Variants in ZNF91 observed in about 807,000 individuals in gnomAD.
ZNF91 encodes zinc finger protein 91 (HPF7, HTF10).
Under a neutral mutation model 12.6 loss-of-function variants are expected in ZNF91, and 7 were observed. The ratio of observed to expected loss-of-function variants is 0.55; its 90% CI spans 0.31 to 1.04. The LOEUF is 1.04. ZNF91 is among the 50% of genes least tolerant of loss of function. ZNF91 has a pLI of 0.05. For missense variants in ZNF91, 1,217 were observed against 1,385.4 expected, an observed-to-expected ratio of 0.88 and a Z score of 1.93; for synonymous variants, 453 against 462.6, an observed-to-expected ratio of 0.98 and a Z score of 0.27.
chr19:23,370,534 A>C (rs1483768014), intron 3 of ZNF91, among the ~76,000 whole-genome samples: 1 of 152,190 alleles, frequency 6.6e-6, no homozygotes. Context: ...ACAGGGTCTC[A>C]ATCTGTCACA....
At chr19:23,352,273 C>T (rs1024628315) in intron 3 of ZNF91, among the ~76,000 whole-genome samples, 25 of 152,190 alleles carry the variant, frequency 1.6e-4, no homozygotes, top group African/African-American at 6.0e-4. Context: ...CGGCTTTCCC[C>T]CACTTCCCTG....
downstream of ZNF91, among the ~76,000 whole-genome samples, chr19:23,352,703 C>T (rs1217215248): frequency 1.3e-5 from 2 of 152,204 alleles, no homozygotes; most frequent in Non-Finnish European, 2.9e-5. Flanking sequence ...CAACTATCTG[C>T]TGTCTTCAGG....
chr19:23,377,509 G>C (rs776803690), intron 1 of ZNF91, among the ~76,000 whole-genome samples: 5 of 152,056 alleles, frequency 3.3e-5, no homozygotes, highest in African/African-American at 9.7e-5. Context: ...TTTGGAAATG[G>C]TCCATAAATG....
downstream of ZNF91, among the ~76,000 whole-genome samples, chr19:23,353,529 G>C (rs1968416827): frequency 6.6e-6 from 1 of 151,772 alleles, no homozygotes; most frequent in Non-Finnish European, 1.5e-5. Context: ...GAAAATCTAA[G>C]GTCACAACTC....
intron 1 of ZNF91, among the ~76,000 whole-genome samples, chr19:23,318,871 C>G (rs373071351): frequency 1.3e-5 from 2 of 152,150 alleles, no homozygotes; most frequent in East Asian, 1.9e-4. Context: ...CTGCTTCTGT[C>G]CCCAGTAGGG....
chr19:23,316,173 T>TTC (rs1450034388), intron 1 of ZNF91, among the ~76,000 whole-genome samples: 3 of 151,810 alleles, frequency 2.0e-5, no homozygotes, highest in Non-Finnish European at 4.4e-5. Context: ...GTGATTTTTT[T>TTC]TTTTTTTTTG....
intron 2 of ZNF91, chr19:23,308,082 C>T (rs1967420861): frequency 6.6e-6 from 1 of 152,144 alleles, no homozygotes; most frequent in African/African-American, 2.4e-5. Flanking sequence ...TGTGATATAT[C>T]ATTGGATCCA....
At chr19:23,330,752 GAAGGGATGCTGGGAAGAA>G (rs1015372578) in intron 1 of ZNF91, among the ~76,000 whole-genome samples, 10 of 152,196 alleles carry the variant, frequency 6.6e-5, no homozygotes, top group African/African-American at 1.9e-4. Flanking sequence ...ATAGCTTGGT[GAAGGGATGCTGGGAAGAA>G]TACTTCTAAA....
intron 3 of ZNF91, among the ~76,000 whole-genome samples, chr19:23,341,227 T>C (rs1968117574): frequency 6.6e-6 from 1 of 152,076 alleles, no homozygotes; most frequent in South Asian, 2.1e-4. Flanking sequence ...ACTTTTGTAT[T>C]TTTAGTAGAG....
rs1232602289 is a variant in ZNF91, at chr19:23,395,339, CA to C, written c.15del (p.Gly6GlufsTer3). On this transcript the variant is annotated frameshift_variant, in exon 1 of 4. Coordinates refer to ENST00000300619, the MANE Select transcript of ZNF91 (RefSeq NM_003430.4). LOFTEE classifies it high-confidence loss of function. The part of the protein sequence containing the change: MPGT[P>X]GSLEMGLLTF... ...GGCAGTCTCACCATTTCTAGGCTTC[CA>C]GGGGTTCCTGGCATCTTAGCTGTGG... 6.2e-7 allele frequency: 1 copy of C among 1,613,854 alleles called. No homozygotes were observed. Among genetic ancestry groups the C allele is most frequent in the Non-Finnish European group, 8.5e-7 (1 of 1,179,938 alleles).
intron 1 of ZNF91, chr19:23,328,234 T>C (rs1282729038): frequency 2.0e-5 from 3 of 152,178 alleles, no homozygotes; most frequent in African/African-American, 4.8e-5. Flanking sequence ...CTTCTATCAG[T>C]GTTAACTGCT....
downstream of ZNF91, among the ~76,000 whole-genome samples, chr19:23,336,332 T>C (rs551210329): frequency 5.0e-4 from 76 of 152,270 alleles, no homozygotes; most frequent in South Asian, 0.012. Flanking sequence ...GACTTTTAGC[T>C]TGCAGAGAAG....
At chr19:23,393,583 A>G (rs1970138981) in intron 1 of ZNF91, among the ~76,000 whole-genome samples, 1 of 152,236 alleles carries the variant, frequency 6.6e-6, no homozygotes, top group South Asian at 2.1e-4. Context: ...AATAGACGAA[A>G]AAAACGCACA....
intron 3 of ZNF91, among the ~76,000 whole-genome samples, chr19:23,351,184 G>T (rs892076431): frequency 1.1e-4 from 17 of 152,230 alleles, no homozygotes; most frequent in Middle Eastern, 3.4e-3. Context: ...AATTAGCTGG[G>T]CATGATGGCG....
In ZNF91 at chr19:23,363,677, C is replaced by A. The variant is rs191871532; in HGVS notation, c.254-952G>T. ...ACAAAATAGGGCAATATGATGCCAC[C>A]AAAATATTATAAAATTTTCTGAAAG... On this transcript the variant is annotated intron_variant, in intron 3 of 3. Transcript: ENST00000300619. Among the ~76,000 whole-genome samples, 196 of 151,910 alleles carry A rather than the reference C, an allele frequency of 1.3e-3. 1 individual carries two copies. The East Asian group carries it at 0.026, about 20-fold the overall frequency.
upstream of ZNF91, chr19:23,310,748 T>C (rs1302021344): frequency 6.6e-6 from 1 of 152,146 alleles, no homozygotes; most frequent in Admixed American, 6.5e-5. Context: ...ACAGGGGCAT[T>C]GTGACATACT....
chr19:23,384,390 G>A (rs777275513), intron 1 of ZNF91: 4 of 234,454 alleles, frequency 1.7e-5, no homozygotes, highest in African/African-American at 4.6e-5. Context: ...CCGGAACCGC[G>A]CACAGCTAGA....
chr19:23,386,946 T>TA (rs1969892746), intron 1 of ZNF91, among the ~76,000 whole-genome samples: 1 of 152,166 alleles, frequency 6.6e-6, no homozygotes, highest in African/African-American at 2.4e-5. Context: ...ATAAGGAACT[T>TA]AAACAAGTTT....
At chr19:23,385,559 T>C (rs1969843405) in intron 1 of ZNF91, among the ~76,000 whole-genome samples, 1 of 152,210 alleles carries the variant, frequency 6.6e-6, no homozygotes, top group Non-Finnish European at 1.5e-5. Context: ...TTGGCTCAGA[T>C]ATTGTTTGCA....
Sources: gnomAD v4.1 joint callset for allele counts (sites outside exome capture counted in the v4.1 genomes callset) on GRCh38, gnomAD v4.1.1 for gene constraint, MANE v1.5 for transcripts, NCBI Gene and HGNC (gene_info 2026-07-23, HGNC 2026-07-21) for gene names.